NELL1: variants seen among roughly 807,000 people sequenced by gnomAD.
NELL1 encodes neural EGFL like 1.
NELL1 carries 76 observed loss-of-function variants against 107.4 expected under a neutral mutation model. That is an observed-to-expected ratio of 0.71 (90% CI 0.59 to 0.86). The LOEUF is 0.86. NELL1 is among the 40% of genes least tolerant of loss of function. The pLI, the probability that NELL1 is intolerant of heterozygous loss-of-function variation, is 0.00. For missense variants in NELL1, 1,024 were observed against 1,005.5 expected (o/e 1.02, Z -0.25); for synonymous variants, 353 against 341.2 (o/e 1.03, Z -0.38).
At chr11:20,872,425 C>T (rs1403778966) in intron 4 of NELL1, among the ~76,000 whole-genome samples, 1 of 152,084 alleles carries the variant, frequency 6.6e-6, no homozygotes, top group Non-Finnish European at 1.5e-5. Flanking sequence ...AAGTGATCTG[C>T]CCACCTTGGC....
chr11:20,863,277 C>T (rs1023717382), intron 4 of NELL1, among the ~76,000 whole-genome samples: 1 of 144,088 alleles, frequency 6.9e-6, no homozygotes, highest in African/African-American at 2.6e-5. Context: ...GGGGGCTGAC[C>T]CCCCACCTCC....
chr11:21,536,871 T>A (rs1453966985), intron 16 of NELL1, among the ~76,000 whole-genome samples: 1 of 152,250 alleles, frequency 6.6e-6, no homozygotes, highest in South Asian at 2.1e-4. Context: ...CTCATAAATG[T>A]CTCTGGCACC....
intron 2 of NELL1, among the ~76,000 whole-genome samples, chr11:20,782,750 GT>G (rs1219351421): frequency 6.6e-6 from 1 of 152,144 alleles, no homozygotes; most frequent in Non-Finnish European, 1.5e-5. Context: ...CACTTCTAAT[GT>G]TCATTTATCA....
intron 5 of NELL1, among the ~76,000 whole-genome samples, chr11:20,904,546 G>A (rs1849950965): frequency 6.6e-6 from 1 of 152,058 alleles, no homozygotes; most frequent in Admixed American, 6.6e-5. Context: ...GGGTTTCTTT[G>A]GACAATTAGA....
At chr11:21,504,579 C>T (rs1855233983) in intron 15 of NELL1, among the ~76,000 whole-genome samples, 1 of 152,080 alleles carries the variant, frequency 6.6e-6, no homozygotes, top group Non-Finnish European at 1.5e-5. Flanking sequence ...CACAATTTAC[C>T]TATAATAGGC....
chr11:21,500,387 G>T (rs1487588040), intron 15 of NELL1, among the ~76,000 whole-genome samples: 1 of 151,944 alleles, frequency 6.6e-6, no homozygotes, highest in Non-Finnish European at 1.5e-5. Context: ...TAAATTCTCT[G>T]TAAGTACTAA....
chr11:21,035,349 G>A (rs915447283), intron 12 of NELL1, among the ~76,000 whole-genome samples: 1 of 151,856 alleles, frequency 6.6e-6, no homozygotes, highest in Non-Finnish European at 1.5e-5. Context: ...AATCGAGGAG[G>A]AAGGACTCTT....
intron 14 of NELL1, among the ~76,000 whole-genome samples, chr11:21,296,328 A>C (rs1849376185): frequency 6.6e-6 from 1 of 151,914 alleles, no homozygotes; most frequent in South Asian, 2.1e-4. Context: ...CTCTCAACAA[A>C]TAATTAGTTA....
rs530320448 is a variant in NELL1, at chr11:21,070,023, T to C, written c.1301-43566T>C. On this transcript the variant is annotated intron_variant, in intron 12 of 19. Coordinates refer to ENST00000357134, the MANE Select transcript of NELL1 (RefSeq NM_006157.5). The stretch of plus-strand genomic sequence containing the variant: ...ATAATAATGATGCTGTCAGGAACCA[T>C]GTGATAACGTATATTGGAGGGACAA... Among the ~76,000 whole-genome samples the C allele has an allele frequency of 2.6e-4, 39 of 152,288 alleles. No homozygotes were observed. In the East Asian group the frequency reaches 7.3e-3, roughly 29 times the overall value.
intron 3 of NELL1, among the ~76,000 whole-genome samples, chr11:20,831,376 C>T (rs1408632276): frequency 6.6e-6 from 1 of 152,144 alleles, no homozygotes; most frequent in Non-Finnish European, 1.5e-5. Flanking sequence ...TCGAGGAACA[C>T]TTTTAAAGTG....
chr11:20,860,663 C>T (rs926279584), intron 4 of NELL1, among the ~76,000 whole-genome samples: 4 of 152,156 alleles, frequency 2.6e-5, no homozygotes, highest in Non-Finnish European at 5.9e-5. Flanking sequence ...TTGCTTTGAA[C>T]TTTTGAGTAT....
At chr11:21,541,572 T>C (rs1360848522) in intron 16 of NELL1, among the ~76,000 whole-genome samples, 2 of 152,024 alleles carry the variant, frequency 1.3e-5, no homozygotes, top group African/African-American at 2.4e-5. Flanking sequence ...TCTGTAAAAA[T>C]GCTCTCAGTG....
At chr11:21,250,289 A>T (rs2133909451) in intron 14 of NELL1, among the ~76,000 whole-genome samples, 1 of 152,288 alleles carries the variant, frequency 6.6e-6, no homozygotes, top group South Asian at 2.1e-4. Flanking sequence ...GTGATCTCTA[A>T]GTAACAGTTA....
intron 14 of NELL1, among the ~76,000 whole-genome samples, chr11:21,239,105 A>G (rs943776722): frequency 1.3e-5 from 2 of 152,084 alleles, no homozygotes; most frequent in African/African-American, 4.8e-5. Flanking sequence ...TGTCAATATT[A>G]TTATTAGCAC....
At chr11:20,948,672 T>A (rs1851011050) in intron 11 of NELL1, among the ~76,000 whole-genome samples, 1 of 150,612 alleles carries the variant, frequency 6.6e-6, no homozygotes, top group African/African-American at 2.4e-5. Flanking sequence ...TTCCTATGTC[T>A]TAAAACCCAG....
chr11:21,294,436 A>G (rs78133705), intron 14 of NELL1, among the ~76,000 whole-genome samples: 2,711 of 152,226 alleles, frequency 0.018, 92 homozygotes, highest in African/African-American at 0.062. Flanking sequence ...TTCAATCAAC[A>G]TTCTGGACCT....
intron 14 of NELL1, among the ~76,000 whole-genome samples, chr11:21,282,579 G>A (rs1293680197): frequency 6.6e-6 from 1 of 151,890 alleles, no homozygotes; most frequent in Non-Finnish European, 1.5e-5. Flanking sequence ...TGGTGGGAAT[G>A]TAAATTAATC....
intron 15 of NELL1, 115 bp from the exon 16 acceptor site, chr11:21,534,259 G>C: frequency 8.6e-7 from 1 of 1,167,224 alleles, no homozygotes; most frequent in South Asian, 1.4e-5. Context: ...TTCATTGTAG[G>C]TGACTAAACA....
chr11:21,476,403 T>G (rs1854334010), intron 15 of NELL1, among the ~76,000 whole-genome samples: 1 of 152,192 alleles, frequency 6.6e-6, no homozygotes, highest in African/African-American at 2.4e-5. Context: ...TTCATGGACC[T>G]CTAGAAAGAC....
Sources: gnomAD v4.1 joint callset for allele counts (sites outside exome capture counted in the v4.1 genomes callset) on GRCh38, gnomAD v4.1.1 for gene constraint, MANE v1.5 for transcripts, NCBI Gene and HGNC (gene_info 2026-07-23, HGNC 2026-07-21) for gene names.